The following CNBD1 variants were observed in gnomAD, a reference collection of about 807,000 sequenced individuals.
CNBD1 encodes cyclic nucleotide binding domain containing 1, also known as cyclic nucleotide-binding domain-containing protein 1.
A neutral mutation model predicts 54.4 loss-of-function variants in CNBD1; 71 were observed. The observed-to-expected ratio is 1.30, with a 90% CI of 1.08 to 1.59. The LOEUF is 1.59. CNBD1 is among the 40% of genes most tolerant of loss of function. CNBD1 has a pLI of 0.00. For missense variants in CNBD1, 659 were observed against 518.0 expected (o/e 1.27, Z -2.64); for synonymous variants, 182 against 170.7 (o/e 1.07, Z -0.51).
intron 10 of CNBD1, among the ~76,000 whole-genome samples, chr8:87,362,957 A>C (rs1486661250): frequency 6.6e-6 from 1 of 151,948 alleles, no homozygotes; most frequent in Non-Finnish European, 1.5e-5. Flanking sequence ...TGTACCCATC[A>C]ACCCGTCATC....
chr8:87,058,678 G>A (rs1317070523), intron 4 of CNBD1, among the ~76,000 whole-genome samples: 4 of 152,124 alleles, frequency 2.6e-5, no homozygotes, highest in Admixed American at 6.5e-5. Flanking sequence ...TTTAACCATG[G>A]CTGGAGTGGC....
chr8:87,209,274 T>C (rs1814043308), intron 5 of CNBD1, among the ~76,000 whole-genome samples: 1 of 152,082 alleles, frequency 6.6e-6, no homozygotes, highest in Admixed American at 6.5e-5. Flanking sequence ...CAGACTAATT[T>C]TATGAGGCCA....
chr8:87,221,112 A>G (rs1157510514), intron 5 of CNBD1, among the ~76,000 whole-genome samples: 1 of 152,046 alleles, frequency 6.6e-6, no homozygotes, highest in Non-Finnish European at 1.5e-5. Flanking sequence ...TCTCTTGGAT[A>G]ATGTATTTGA....
At chr8:86,987,154 T>C (rs1450332375) in intron 4 of CNBD1, among the ~76,000 whole-genome samples, 2 of 152,178 alleles carry the variant, frequency 1.3e-5, no homozygotes, top group Non-Finnish European at 2.9e-5. Context: ...CATGGAATGT[T>C]TTTCCATTTA....
At chr8:87,116,772 C>A (rs1050677356) in intron 4 of CNBD1, among the ~76,000 whole-genome samples, 1 of 152,060 alleles carries the variant, frequency 6.6e-6, no homozygotes, top group African/African-American at 2.4e-5. Context: ...GCTGGTTAGG[C>A]CTGAGGTCAA....
At chr8:87,428,202 T>C (rs969385761) in intron 2 of CNBD1, among the ~76,000 whole-genome samples, 5 of 150,766 alleles carry the variant, frequency 3.3e-5, no homozygotes, top group African/African-American at 1.2e-4. Flanking sequence ...AAATATCTAG[T>C]GTTTCAGCCT....
intron 10 of CNBD1, among the ~76,000 whole-genome samples, chr8:87,375,295 T>C (rs1283679144): frequency 1.3e-5 from 2 of 151,856 alleles, no homozygotes; most frequent in African/African-American, 4.8e-5. Context: ...GCAAATGTCA[T>C]AGGGTAAGCT....
chr8:87,398,787 C>T (rs1811451404), intron 2 of CNBD1, among the ~76,000 whole-genome samples: 1 of 151,994 alleles, frequency 6.6e-6, no homozygotes, highest in Non-Finnish European at 1.5e-5. Flanking sequence ...AAGGCTTCTA[C>T]ATGCCATTTT....
intron 10 of CNBD1, among the ~76,000 whole-genome samples, chr8:87,361,644 A>T (rs1203242261): frequency 6.6e-6 from 1 of 151,290 alleles, no homozygotes; most frequent in East Asian, 1.9e-4. Context: ...ACTTTGCCCC[A>T]GCAATTCCAG....
At chr8:87,328,253 T>G (rs1809728587) in intron 8 of CNBD1, among the ~76,000 whole-genome samples, 1 of 152,106 alleles carries the variant, frequency 6.6e-6, no homozygotes, top group South Asian at 2.1e-4. Flanking sequence ...CATTGTTTAT[T>G]TTTGGCACCC....
At chr8:86,980,394 T>C (rs1242120218) in intron 4 of CNBD1, among the ~76,000 whole-genome samples, 1 of 152,226 alleles carries the variant, frequency 6.6e-6, no homozygotes, top group East Asian at 1.9e-4. Flanking sequence ...CTGTACACAT[T>C]TATCCACTTC....
intron 8 of CNBD1, among the ~76,000 whole-genome samples, chr8:87,305,450 G>A (rs1368726143): frequency 6.6e-6 from 1 of 151,990 alleles, no homozygotes; most frequent in Non-Finnish European, 1.5e-5. Flanking sequence ...CATAGCCAAA[G>A]CAAGATTAAG....
intron 4 of CNBD1, among the ~76,000 whole-genome samples, chr8:86,980,340 T>C (rs1230752451): frequency 6.6e-6 from 1 of 152,232 alleles, no homozygotes; most frequent in African/African-American, 2.4e-5. Context: ...CTCTGACATC[T>C]AATGACTGGG....
At chr8:87,276,979 A>AT (rs10583347) in intron 6 of CNBD1, among the ~76,000 whole-genome samples, 4,940 of 79,756 alleles carry the variant, frequency 0.062, 200 homozygotes, top group Admixed American at 0.19. Context: ...TTGAATAATT[A>AT]TTTTTTTTTT....
chr8:87,132,250 T>C lies in CNBD1; in HGVS notation c.432-73743T>C, dbSNP rs187667705. ...ATATAATTAATGGCACTAATAACTT[T>C]TAAAATAGCCATAACAACATTTTAG... On this transcript the variant is annotated intron_variant, in intron 4 of 10. Transcript: ENST00000518476. Among the ~76,000 whole-genome samples, 319 of 151,960 alleles carry C rather than the reference T, an allele frequency of 2.1e-3. 4 individuals are homozygous for C. The highest frequency in any genetic ancestry group is 7.5e-3 in the African/African-American group (313 of 41,534).
chr8:86,945,608 G>C (rs1287752229), intron 4 of CNBD1, among the ~76,000 whole-genome samples: 3 of 152,112 alleles, frequency 2.0e-5, no homozygotes, highest in Non-Finnish European at 4.4e-5. Flanking sequence ...GAGGAAAACC[G>C]CACTTCAATG....
chr8:87,399,316 T>C (rs1057119875), intron 2 of CNBD1, among the ~76,000 whole-genome samples: 1 of 152,072 alleles, frequency 6.6e-6, no homozygotes, highest in Non-Finnish European at 1.5e-5. Flanking sequence ...CCTTGGACAC[T>C]GTGCATGTGC....
chr8:87,145,446 A>C (rs1393191417), intron 4 of CNBD1, among the ~76,000 whole-genome samples: 2 of 152,184 alleles, frequency 1.3e-5, no homozygotes, highest in African/African-American at 4.8e-5. Context: ...TTGGAAAGAA[A>C]TGAAATAACC....
chr8:87,412,466 G>T (rs1055646698), intron 2 of CNBD1, among the ~76,000 whole-genome samples: 2 of 152,016 alleles, frequency 1.3e-5, no homozygotes, highest in African/African-American at 2.4e-5. Context: ...ATTAAAACAT[G>T]CCTATGTGTT....
Sources: allele counts gnomAD v4.1 joint callset (sites outside exome capture counted in the v4.1 genomes callset), GRCh38; gene constraint gnomAD v4.1.1; transcripts MANE v1.5; gene names NCBI Gene and HGNC (gene_info 2026-07-23, HGNC 2026-07-21).